The following NLE1 variants were observed in gnomAD, a reference collection of about 807,000 sequenced individuals.
NLE1 encodes the protein notchless homolog 1, also known as notchless protein homolog 1.
Under a neutral mutation model 62.8 loss-of-function variants are expected in NLE1, and 37 were observed. The observed-to-expected ratio is 0.59, with a 90% CI of 0.45 to 0.78. The LOEUF (loss-of-function observed/expected upper bound fraction) is 0.78. Among genes scored for constraint, NLE1 ranks in the 30% least tolerant of loss-of-function variants. NLE1 has a pLI of 0.00. For synonymous variants in NLE1, 243 were observed against 253.0 expected (o/e 0.96, Z 0.37); for missense variants, 555 against 637.9 (o/e 0.87, Z 1.40).
intron 9 of NLE1, 115 bp from the exon 10 acceptor site, chr17:35,135,566 C>T (rs530569639): frequency 1.1e-6 from 1 of 900,106 alleles, no homozygotes; most frequent in African/African-American, 1.6e-5. Flanking sequence ...CAGAGAGAGG[C>T]CAGCGCTAGG....
Position 35,136,531 on chromosome 17 carries a change from C to A in NLE1, c.829-34G>T, listed in dbSNP as rs185867772. ...GAGCGAGTCAGGTCAGACACACACA[C>A]TCCTCCCCACGCCTGGGCGATTAGC... On this transcript the variant is annotated intron_variant, in intron 7 of 12. Transcript: ENST00000442241. The A allele has an allele frequency of 1.4e-4, 225 of 1,590,770 alleles. No individual in the cohort carries two copies. The African/African-American group carries it at 2.6e-3, about 18-fold the overall frequency.
chr17:35,133,378 G>C lies in NLE1; in HGVS notation c.1335C>G (p.Ala445=). ...DSTLKVWDVK[A]QKLAMDLPGH... ...CGGGCAGGTCCATGGCCAGCTTCTG[G>C]GCCTTCACATCCCACACCTTCAGTG... The change falls in exon 11 of 13, where the codon GCC becomes GCG. Residue 445 remains alanine (A), a synonymous_variant. Transcript: ENST00000442241. The C allele has an allele frequency of 6.2e-7, 1 of 1,614,122 alleles. No homozygotes were observed. The highest frequency in any genetic ancestry group is 8.5e-7 in the Non-Finnish European group (1 of 1,180,038).
chr17:35,129,970 G>C lies in NLE1; in HGVS notation c.*2467C>G, dbSNP rs1567741876. On this transcript the variant is annotated 3_prime_UTR_variant, in exon 13 of 13. Transcript: ENST00000442241. ...ATTGTGAGTAGGCTGGGAAGTCAAGGGCATTGAAAGAAATAGGGAAGACAA... is the reference window on the plus strand; with the variant it reads ...ATTGTGAGTAGGCTGGGAAGTCAAGCGCATTGAAAGAAATAGGGAAGACAA... 2 of 1,372,150 alleles carry C rather than the reference G, an allele frequency of 1.5e-6. No individual in the cohort carries two copies. 85.0% of individuals were successfully genotyped at this position (1,372,150 alleles called of 1,614,324 possible).
At chr17:35,139,734 G>T in intron 3 of NLE1, 115 bp downstream of exon 3, 1 of 1,427,568 alleles carries the variant, frequency 7.0e-7, no homozygotes, top group Admixed American at 2.1e-5. Context: ...CAGAGCTTGG[G>T]TCTATGGTAG....
At position 35,129,977 on chromosome 17, in the gene NLE1, A is replaced by C; in HGVS notation, c.*2460T>G. On this transcript the variant is annotated 3_prime_UTR_variant, in exon 13 of 13. Transcript: ENST00000442241. ...GTAGGCTGGGAAGTCAAGGGCATTG[A>C]AAGAAATAGGGAAGACAAGAGGCTA... 1 of 1,374,628 alleles carries C rather than the reference A, an allele frequency of 7.3e-7. No individual in the cohort carries two copies. Among genetic ancestry groups the C allele is most frequent in the Non-Finnish European group, 9.4e-7 (1 of 1,064,928 alleles). The allele number at this position is 1,374,628 out of a possible 1,614,324, so 85.2% of individuals were successfully genotyped here. A position where few individuals can be genotyped will look rare whatever the true frequency, so the allele number is the denominator to read the frequency against.
Position 35,137,597 on chromosome 17 carries a change from G to T in NLE1, c.581C>A (p.Thr194Asn). ...GATCCACTTGCTGTGGCCAGCGAGG[G>T]TCCTGCCCACCTGCTTCCCTGTGCT... ...DPSTGKQVGRTLAGHSKWITG... is the reference protein window; with the variant it reads ...DPSTGKQVGRNLAGHSKWITG... The change falls in exon 6 of 13, where the codon ACC becomes AAC. Residue 194 changes from threonine (T) to asparagine (N), a missense_variant. Physicochemically the swap from Thr to Asn is moderately conservative, Grantham distance 65. Transcript: ENST00000442241. 6.2e-7 allele frequency: 1 copy of T among 1,610,840 alleles called. No homozygotes were observed.
chr17:35,132,876 C>T (rs1016470584), intron 12 of NLE1, among the ~76,000 whole-genome samples: 1 of 152,186 alleles, frequency 6.6e-6, no homozygotes, highest in Non-Finnish European at 1.5e-5. Context: ...TGGATGCGCC[C>T]TCTACAAGGT....
rs1597888540 is a variant in NLE1 at position 35,133,505 on chromosome 17, CAGG to C, written c.1215-10_1215-8del. On this transcript the variant is annotated splice_polypyrimidine_tract_variant and splice_region_variant and intron_variant, in intron 10 of 12. Transcript: ENST00000442241. Reference sequence around the variant, plus strand: ...GCGTAGGGAAGCCAGGTACCTGGTCCAGGAGAAGACGATGATGGATTTTAGTCT... The same window carrying C: ...GCGTAGGGAAGCCAGGTACCTGGTCCAGAAGACGATGATGGATTTTAGTCT... 3.1e-6 allele frequency: 5 copies of C among 1,606,392 alleles called. No homozygotes were observed. In the African/African-American group the frequency reaches 4.0e-5, roughly 13 times the overall value.
intron 12 of NLE1, among the ~76,000 whole-genome samples, chr17:35,132,949 G>A (rs548449927): frequency 2.6e-5 from 4 of 152,110 alleles, no homozygotes; most frequent in Non-Finnish European, 4.4e-5. Flanking sequence ...AGACCTGGAC[G>A]CGCCCTCTAC....
chr17:35,135,071 C>T, intron 10 of NLE1, 178 bp downstream of exon 10: 2 of 704,576 alleles, frequency 2.8e-6, no homozygotes, highest in Non-Finnish European at 5.1e-6. Context: ...TAAAAACAAA[C>T]AAACAAACAA....
rs1381759004 is a variant in NLE1, at chr17:35,141,993, C to T, written c.148G>A (p.Ala50Thr). 1 of 1,589,952 alleles carries T rather than the reference C, an allele frequency of 6.3e-7. No individual in the cohort carries two copies. The highest frequency in any genetic ancestry group is 1.8e-5 in the Admixed American group (1 of 55,282). The stretch of plus-strand genomic sequence containing the variant: ...CAGCCACTTACCTGGGCCAGTAGCG[C>T]GTTGCACACGAGCTGCAGCCTGTCC... ...TPDRLQLVCN[A>T]LLAQEDPLPL... Residue 50 changes from alanine (A) to threonine (T), a missense_variant, in exon 2 of 13, where the codon GCG (alanine) becomes ACG (threonine). Transcript: ENST00000442241.
chr17:35,135,089 G>A (rs534725440), intron 10 of NLE1, 160 bp downstream of exon 10: 10 of 722,874 alleles, frequency 1.4e-5, no homozygotes, highest in Middle Eastern at 2.3e-4. Context: ...CAAACACCTT[G>A]TAACAAAGCT....
In NLE1 at chr17:35,128,973, G is replaced by C. The variant is rs1380990671; in HGVS notation, c.*3464C>G. ...ATCCCTCCCATACAATTCACAATAG[G>C]GTTCACGTGCCTATGGGAATCTAAT... On this transcript the variant is annotated 3_prime_UTR_variant, in exon 13 of 13. Coordinates refer to ENST00000442241, the MANE Select transcript of NLE1 (RefSeq NM_018096.5). The C allele has an allele frequency of 5.8e-6, 1 of 171,752 alleles. No individual in the cohort carries two copies. The highest frequency in any genetic ancestry group is 1.3e-5 in the Non-Finnish European group (1 of 78,974). 10.6% of individuals were successfully genotyped at this position (171,752 alleles called of 1,614,324 possible).
At chr17:35,133,075 C>T in intron 12 of NLE1, 96 bp downstream of exon 12, 1 of 1,215,956 alleles carries the variant, frequency 8.2e-7, no homozygotes, top group Non-Finnish European at 1.2e-6. Flanking sequence ...ACCTGGACGG[C>T]CCTGCGGAAT....
chr17:35,140,597 T>G (rs572249245), intron 2 of NLE1, among the ~76,000 whole-genome samples: 1 of 56,112 alleles, frequency 1.8e-5, no homozygotes, highest in Non-Finnish European at 3.1e-5. Context: ...AATTCTTTTT[T>G]CTTTTTTTTT....
At chr17:35,139,426 G>T in intron 3 of NLE1, 112 bp from the exon 4 acceptor site, 1 of 859,048 alleles carries the variant, frequency 1.2e-6, no homozygotes, top group Non-Finnish European at 1.9e-6. Context: ...CCCTGGAAGG[G>T]AGAAAGACAA....
chr17:35,129,182 A>C lies in NLE1; in HGVS notation c.*3255T>G. 1 of 488,280 alleles carries C rather than the reference A, an allele frequency of 2.0e-6. No homozygotes were observed. The highest frequency in any genetic ancestry group is 3.7e-6 in the Non-Finnish European group (1 of 269,750). The allele number at this position is 488,280 out of a possible 1,614,324, so 30.2% of individuals were successfully genotyped here. Reference sequence around the variant, plus strand: ...CAAGGGTTGAGGACCCCTGGCGTATAAGAAATATGGAATGAGGGTGTACCC... The same window carrying C: ...CAAGGGTTGAGGACCCCTGGCGTATCAGAAATATGGAATGAGGGTGTACCC... On this transcript the variant is annotated 3_prime_UTR_variant, in exon 13 of 13. Transcript: ENST00000442241.
At position 35,142,214 on chromosome 17, in the gene NLE1, G is replaced by A. The variant is rs368782665; in HGVS notation, c.18+44C>T. 82 of 1,565,576 alleles carry A rather than the reference G, an allele frequency of 5.2e-5. 1 individual carries two copies. The African/African-American group carries it at 1.0e-3, about 20-fold the overall frequency. On this transcript the variant is annotated intron_variant, in intron 1 of 12. Coordinates refer to ENST00000442241, the MANE Select transcript of NLE1 (RefSeq NM_018096.5). ...TCAGGCCTCAGGGACCCGGGCCCTA[G>A]CGCCCCGCGGCGACGCCCCCCGCCC...
chr17:35,129,927 T>A lies in NLE1; in HGVS notation c.*2510A>T. On this transcript the variant is annotated 3_prime_UTR_variant, in exon 13 of 13. Transcript: ENST00000442241. ...TCCAAAGCCATTGGTTTTTAGACTC[T>A]GCAATTCAGTGCCCATGATTGTGAG... The A allele has an allele frequency of 7.2e-7, 1 of 1,382,568 alleles. No homozygotes were observed. The highest frequency in any genetic ancestry group is 9.4e-7 in the Non-Finnish European group (1 of 1,068,260). The allele number at this position is 1,382,568 out of a possible 1,614,324, so 85.6% of individuals were successfully genotyped here. A position where few individuals can be genotyped will look rare whatever the true frequency, so the allele number is the denominator to read the frequency against.
Sources: allele counts gnomAD v4.1 joint callset (sites outside exome capture counted in the v4.1 genomes callset), GRCh38; gene constraint gnomAD v4.1.1; transcripts MANE v1.5; gene names NCBI Gene and HGNC (gene_info 2026-07-23, HGNC 2026-07-21).